The following DIP2C variants were observed in gnomAD, a reference collection of about 807,000 sequenced individuals.
DIP2C encodes disco-interacting protein 2 homolog C.
A neutral mutation model predicts 192.4 loss-of-function variants in DIP2C; 33 were observed. The observed-to-expected ratio is 0.17, with a 90% CI of 0.13 to 0.23. The LOEUF (loss-of-function observed/expected upper bound fraction) is 0.23, where lower values mean the gene tolerates loss of function less well. DIP2C is among the 10% of genes least tolerant of loss of function. The probability of loss-of-function intolerance (pLI) is 1.00; values close to 1 mark genes in which losing one functional copy is unlikely to be tolerated. For missense variants in DIP2C, 1,537 were observed against 2,110.1 expected, an observed-to-expected ratio of 0.73 and a Z score of 5.32; for synonymous variants, 979 against 864.1, an observed-to-expected ratio of 1.13 and a Z score of -2.33.
intron 1 of DIP2C, among the ~76,000 whole-genome samples, chr10:504,802 T>C (rs1238192510): frequency 6.6e-6 from 1 of 152,222 alleles, no homozygotes. Context: ...GCAATAGCTA[T>C]ATAAACCAAA....
chr10:356,354 C>T (rs757851629), intron 24 of DIP2C, 72 bp downstream of exon 24: 2 of 1,521,312 alleles, frequency 1.3e-6, no homozygotes, highest in African/African-American at 1.4e-5. Flanking sequence ...AAGAAAGAAG[C>T]AGGAGCGCTC....
chr10:621,659 C>T (rs1853860005), intron 1 of DIP2C, among the ~76,000 whole-genome samples: 1 of 152,200 alleles, frequency 6.6e-6, no homozygotes, highest in South Asian at 2.1e-4. Flanking sequence ...TGTGATCCTG[C>T]CATCACTCAC....
chr10:443,047 A>T (rs1211584216), intron 3 of DIP2C, among the ~76,000 whole-genome samples: 1 of 152,226 alleles, frequency 6.6e-6, no homozygotes, highest in Non-Finnish European at 1.5e-5. Flanking sequence ...GCATTTTAGC[A>T]GGGATACCGC....
chr10:435,575 G>T (rs1459431771), intron 4 of DIP2C, among the ~76,000 whole-genome samples: 1 of 152,176 alleles, frequency 6.6e-6, no homozygotes, highest in Admixed American at 6.5e-5. Context: ...AGTGTATGGT[G>T]ATTCTCCACT....
At chr10:426,666 G>T (rs1216014131) in intron 4 of DIP2C, among the ~76,000 whole-genome samples, 1 of 152,180 alleles carries the variant, frequency 6.6e-6, no homozygotes, top group Non-Finnish European at 1.5e-5. Context: ...ATACATCAAA[G>T]GAACAGAATT....
chr10:292,617 TG>T (rs1434038362), intron 32 of DIP2C, among the ~76,000 whole-genome samples: 1 of 152,150 alleles, frequency 6.6e-6, no homozygotes, highest in African/African-American at 2.4e-5. Flanking sequence ...TGCAACCGAG[TG>T]GGGAACGAAT....
At chr10:428,700 T>C (rs968092988) in intron 4 of DIP2C, among the ~76,000 whole-genome samples, 1 of 152,144 alleles carries the variant, frequency 6.6e-6, no homozygotes, top group Non-Finnish European at 1.5e-5. Flanking sequence ...TGAGTAAATT[T>C]TGACTCATTT....
At chr10:594,799 G>C (rs1410295601) in intron 1 of DIP2C, among the ~76,000 whole-genome samples, 1 of 152,116 alleles carries the variant, frequency 6.6e-6, no homozygotes, top group African/African-American at 2.4e-5. Context: ...GCGGAATCTC[G>C]ACTCTCCGGG....
At chr10:596,197 C>T (rs1215540243) in intron 1 of DIP2C, among the ~76,000 whole-genome samples, 2 of 152,078 alleles carry the variant, frequency 1.3e-5, no homozygotes, top group East Asian at 3.9e-4. Flanking sequence ...TTGAACAAGC[C>T]CATTATAAAT....
chr10:420,459 A>G lies in DIP2C; in HGVS notation c.605-1260T>C, dbSNP rs114431992. On this transcript the variant is annotated intron_variant, in intron 5 of 36. Coordinates refer to ENST00000280886, the MANE Select transcript of DIP2C (RefSeq NM_014974.3). ...CCACACCGCCCGTCAGTGCCACGAC[A>G]TTCCACCTGGAGGCAGGCAGGCCCG... 6.0e-3 allele frequency among the ~76,000 whole-genome samples: 917 copies of G among 152,330 alleles called. 3 individuals are homozygous for G. Among genetic ancestry groups the G allele is most frequent in the East Asian group, 0.013 (69 of 5,178 alleles).
chr10:439,677 C>T (rs908271213), intron 4 of DIP2C, among the ~76,000 whole-genome samples: 5 of 152,134 alleles, frequency 3.3e-5, no homozygotes, highest in African/African-American at 1.2e-4. Flanking sequence ...TAAGTTCTGT[C>T]CTATCAATCT....
At chr10:556,595 T>TG (rs978773676) in intron 1 of DIP2C, among the ~76,000 whole-genome samples, 3 of 151,502 alleles carry the variant, frequency 2.0e-5, no homozygotes, top group African/African-American at 7.3e-5. Context: ...TGTCACCATC[T>TG]GCTATAGACA....
chr10:597,529 C>CGCTGGGCA, intron 1 of DIP2C, among the ~76,000 whole-genome samples: 2 of 152,344 alleles, frequency 1.3e-5, no homozygotes, highest in African/African-American at 4.8e-5. Flanking sequence ...GCCGAGGACA[C>CGCTGGGCA]GCTGGGCAGC....
At chr10:547,135 G>A (rs540728884) in intron 1 of DIP2C, among the ~76,000 whole-genome samples, 8 of 152,274 alleles carry the variant, frequency 5.3e-5, no homozygotes, top group Admixed American at 5.2e-4. Flanking sequence ...TTCTCATTCA[G>A]AACATTCCAG....
intron 1 of DIP2C, among the ~76,000 whole-genome samples, chr10:508,294 G>A (rs751345283): frequency 2.3e-4 from 35 of 152,110 alleles, no homozygotes; most frequent in Admixed American, 5.2e-4. Flanking sequence ...CAGCATCTCC[G>A]GTGCCCGTGC....
intron 1 of DIP2C, among the ~76,000 whole-genome samples, chr10:496,260 C>T: frequency 6.7e-6 from 1 of 150,190 alleles, no homozygotes; most frequent in Non-Finnish European, 1.5e-5. Context: ...AATGCATGCC[C>T]TCCCGTGTAC....
chr10:500,368 C>G (rs564278360), intron 1 of DIP2C, among the ~76,000 whole-genome samples: 66 of 152,392 alleles, frequency 4.3e-4, no homozygotes, highest in Middle Eastern at 6.8e-3. Flanking sequence ...TGTGACCCCA[C>G]AAGTCCAGGA....
At chr10:312,597 A>G (rs1956610610) in intron 31 of DIP2C, among the ~76,000 whole-genome samples, 1 of 152,218 alleles carries the variant, frequency 6.6e-6, no homozygotes, top group South Asian at 2.1e-4. Flanking sequence ...AGCCAAGTCT[A>G]TGAAAATAAG....
rs147130766 is a variant in DIP2C at position 315,787 on chromosome 10, T to C, written c.3925-5695A>G. On this transcript the variant is annotated intron_variant, in intron 31 of 36. Transcript: ENST00000280886. ...CCCCATTTTCTCTCACCGCTCCTTC[T>C]GGGGCTCCGATCACTACAGGTATGT... Among the ~76,000 whole-genome samples, 8 of 152,302 alleles carry C rather than the reference T, an allele frequency of 5.3e-5. 1 individual carries two copies. In the East Asian group the frequency reaches 1.2e-3, roughly 22 times the overall value.
Sources: allele counts gnomAD v4.1 joint callset (sites outside exome capture counted in the v4.1 genomes callset), GRCh38; gene constraint gnomAD v4.1.1; transcripts MANE v1.5; gene names NCBI Gene and HGNC (gene_info 2026-07-23, HGNC 2026-07-21).